VPS13B: variants seen among roughly 807,000 people sequenced by gnomAD.
VPS13B encodes the protein vacuolar protein sorting 13 homolog B, also known as intermembrane lipid transfer protein VPS13B.
Under a neutral mutation model 426.4 loss-of-function variants are expected in VPS13B, and 285 were observed. That is an observed-to-expected ratio of 0.67 (90% CI 0.61 to 0.74). The LOEUF is 0.74. Among genes scored for constraint, VPS13B ranks in the 30% least tolerant of loss-of-function variants. The pLI is 0.00. For missense variants in VPS13B, 4,537 were observed against 4,782.6 expected, an observed-to-expected ratio of 0.95 and a Z score of 1.51; for synonymous variants, 1,676 against 1,676.4, an observed-to-expected ratio of 1.00 and a Z score of 0.01.
chr8:99,241,391 A>G (rs988611109), intron 17 of VPS13B: 1 of 152,188 alleles, frequency 6.6e-6, no homozygotes, highest in East Asian at 1.9e-4. Flanking sequence ...TGAATGATAT[A>G]TATTCTCTTT....
At chr8:99,249,715 G>A (rs912876811) in intron 17 of VPS13B, among the ~76,000 whole-genome samples, 1 of 152,062 alleles carries the variant, frequency 6.6e-6, no homozygotes, top group African/African-American at 2.4e-5. Context: ...GAGCCACCGC[G>A]CCCGGCCTGA....
intron 19 of VPS13B, among the ~76,000 whole-genome samples, chr8:99,366,882 A>G (rs553199823): frequency 6.6e-6 from 1 of 152,302 alleles, no homozygotes; most frequent in South Asian, 2.1e-4. Flanking sequence ...GAAAACTAAC[A>G]AAAACTCTAC....
intron 36 of VPS13B, among the ~76,000 whole-genome samples, chr8:99,709,880 AT>A (rs1341736213): frequency 3.3e-5 from 5 of 152,210 alleles, no homozygotes; most frequent in African/African-American, 1.2e-4. Flanking sequence ...TTTGAGAATC[AT>A]AATCTGATTT....
intron 19 of VPS13B, chr8:99,340,346 C>T: frequency 2.6e-6 from 1 of 390,442 alleles, no homozygotes; most frequent in Non-Finnish European, 5.0e-6. Context: ...TAGTATGCCT[C>T]ATAGGCAGCA....
chr8:99,828,394 G>GTTTTGTT (rs1814832334), intron 51 of VPS13B, among the ~76,000 whole-genome samples: 2 of 17,424 alleles, frequency 1.1e-4, no homozygotes, highest in Non-Finnish European at 2.1e-4. Context: ...TACAACCACC[G>GTTTTGTT]TTTTTTTTTT....
chr8:99,365,055 T>G (rs1208647560), intron 19 of VPS13B, among the ~76,000 whole-genome samples: 2 of 152,116 alleles, frequency 1.3e-5, no homozygotes, highest in African/African-American at 4.8e-5. Flanking sequence ...ATTTTCTAAT[T>G]TATTGTTATA....
chr8:99,191,033 T>G (rs925786738), intron 16 of VPS13B, among the ~76,000 whole-genome samples: 3 of 152,204 alleles, frequency 2.0e-5, no homozygotes, highest in South Asian at 2.1e-4. Context: ...TGCTAACATT[T>G]TTGAAAGTTT....
At chr8:99,540,063 A>ATTT (rs1172789372) in intron 30 of VPS13B, among the ~76,000 whole-genome samples, 2 of 8,810 alleles carry the variant, frequency 2.3e-4, no homozygotes, top group Non-Finnish European at 3.9e-4. Flanking sequence ...ATATATATAT[A>ATTT]TTTTTTTTTT....
At chr8:99,106,782 G>A (rs982535705) in intron 5 of VPS13B, among the ~76,000 whole-genome samples, 14 of 152,196 alleles carry the variant, frequency 9.2e-5, no homozygotes, top group Admixed American at 6.6e-5. Context: ...AGTTCTGCGT[G>A]TATATATCTA....
chr8:99,228,490 C>G (rs1470264969), intron 17 of VPS13B, among the ~76,000 whole-genome samples: 2 of 152,070 alleles, frequency 1.3e-5, no homozygotes, highest in Non-Finnish European at 2.9e-5. Context: ...GAATGTATCT[C>G]AAAAATGAAA....
intron 27 of VPS13B, among the ~76,000 whole-genome samples, chr8:99,504,488 G>C (rs1821395162): frequency 6.6e-6 from 1 of 152,192 alleles, no homozygotes; most frequent in Non-Finnish European, 1.5e-5. Context: ...GTTAGCAGAT[G>C]TGAAGACAAC....
At chr8:99,136,550 C>T in intron 11 of VPS13B, 115 bp from the exon 12 acceptor site, 4 of 1,021,174 alleles carry the variant, frequency 3.9e-6, no homozygotes, top group Non-Finnish European at 4.6e-6. Context: ...TTCTTTTGGT[C>T]ATCCTTTGTG....
intron 16 of VPS13B, among the ~76,000 whole-genome samples, chr8:99,189,236 A>G (rs1813411358): frequency 6.6e-6 from 1 of 152,252 alleles, no homozygotes; most frequent in Non-Finnish European, 1.5e-5. Flanking sequence ...GGCGTGAGCC[A>G]CCGCGCCCGG....
intron 35 of VPS13B, among the ~76,000 whole-genome samples, chr8:99,698,437 C>T (rs983405279): frequency 6.6e-6 from 1 of 152,234 alleles, no homozygotes; most frequent in African/African-American, 2.4e-5. Context: ...ACAGCCCAGC[C>T]TCCTCGGGGC....
chr8:99,523,591 G>A (rs1822493218), intron 30 of VPS13B, among the ~76,000 whole-genome samples: 1 of 152,204 alleles, frequency 6.6e-6, no homozygotes, highest in Admixed American at 6.5e-5. Flanking sequence ...TGGTAATTCA[G>A]ACAATTCTTC....
chr8:99,360,549 T>C (rs928464417), intron 19 of VPS13B, among the ~76,000 whole-genome samples: 2 of 152,068 alleles, frequency 1.3e-5, no homozygotes, highest in African/African-American at 4.8e-5. Context: ...AGTGCTGGGA[T>C]TACAGGCATG....
chr8:99,177,843 T>C (rs1446974297), intron 16 of VPS13B, among the ~76,000 whole-genome samples: 1 of 152,222 alleles, frequency 6.6e-6, no homozygotes, highest in Non-Finnish European at 1.5e-5. Flanking sequence ...GTCAGAATAA[T>C]TATATTGACT....
At chr8:99,665,579 C>G (rs1830452704) in intron 35 of VPS13B, among the ~76,000 whole-genome samples, 1 of 152,244 alleles carries the variant, frequency 6.6e-6, no homozygotes, top group South Asian at 2.1e-4. Context: ...ATAGGGAATC[C>G]TTTCCCCATT....
chr8:99,097,206 T>C (rs1846474828), intron 4 of VPS13B, among the ~76,000 whole-genome samples: 1 of 152,224 alleles, frequency 6.6e-6, no homozygotes, highest in African/African-American at 2.4e-5. Flanking sequence ...TTCTTTCTTA[T>C]TAATGTATCA....
Sources: allele counts gnomAD v4.1 joint callset (sites outside exome capture counted in the v4.1 genomes callset), GRCh38; gene constraint gnomAD v4.1.1; transcripts MANE v1.5; gene names NCBI Gene and HGNC (gene_info 2026-07-23, HGNC 2026-07-21).